The following RPH3A variants were observed in gnomAD, a reference collection of about 807,000 sequenced individuals.
RPH3A encodes rabphilin-3A.
Under a neutral mutation model 102.2 loss-of-function variants are expected in RPH3A, and 48 were observed. That is an observed-to-expected ratio of 0.47 (90% confidence interval 0.37 to 0.60). The LOEUF (loss-of-function observed/expected upper bound fraction) is 0.60. Among genes scored for constraint, RPH3A ranks in the 20% least tolerant of loss-of-function variants. RPH3A has a pLI of 0.00. For missense variants in RPH3A, 781 were observed against 910.1 expected, an observed-to-expected ratio of 0.86 and a Z score of 1.83; for synonymous variants, 310 against 324.3, an observed-to-expected ratio of 0.96 and a Z score of 0.47.
chr12:112,739,959 G>A (rs1428600622), intron 1 of RPH3A, among the ~76,000 whole-genome samples: 1 of 152,062 alleles, frequency 6.6e-6, no homozygotes, highest in Non-Finnish European at 1.5e-5. Context: ...CCCAGCCTTG[G>A]GTAGTAACCA....
chr12:112,634,153 C>G (rs1174228480), intron 1 of RPH3A, among the ~76,000 whole-genome samples: 1 of 151,010 alleles, frequency 6.6e-6, no homozygotes, highest in South Asian at 2.1e-4. Context: ...TCGAGACCAG[C>G]CTGGCCAATA....
intron 2 of RPH3A, among the ~76,000 whole-genome samples, chr12:112,802,724 G>A (rs2041378634): frequency 6.6e-6 from 1 of 151,964 alleles, no homozygotes; most frequent in Non-Finnish European, 1.5e-5. Flanking sequence ...TGTGTGGAGA[G>A]ACCCTGCTCC....
chr12:112,868,914 C>A (rs1783483360), intron 8 of RPH3A: 2 of 244,402 alleles, frequency 8.2e-6, no homozygotes, highest in South Asian at 3.0e-4. Context: ...CACACTGGAG[C>A]CTGGGAGAAT....
chr12:112,679,481 C>T (rs915880973), intron 1 of RPH3A, among the ~76,000 whole-genome samples: 7 of 150,712 alleles, frequency 4.6e-5, no homozygotes, highest in African/African-American at 1.5e-4. Flanking sequence ...TCTGGAGTGC[C>T]GTGGCGCAAT....
At chr12:112,605,537 G>T (rs1043755111) in intron 1 of RPH3A, among the ~76,000 whole-genome samples, 1 of 152,212 alleles carries the variant, frequency 6.6e-6, no homozygotes, top group Admixed American at 6.5e-5. Context: ...CATGCCCATA[G>T]TTCTAGCTGG....
intron 1 of RPH3A, among the ~76,000 whole-genome samples, chr12:112,754,520 T>G (rs1267825558): frequency 1.3e-5 from 2 of 152,130 alleles, no homozygotes; most frequent in East Asian, 3.9e-4. Flanking sequence ...GGGTAGAAAT[T>G]CGGTTCAAGG....
At chr12:112,794,609 A>C (rs1266235458) in intron 2 of RPH3A, among the ~76,000 whole-genome samples, 3 of 152,162 alleles carry the variant, frequency 2.0e-5, no homozygotes, top group Non-Finnish European at 4.4e-5. Flanking sequence ...CTCTGCTCTG[A>C]AAAGATGCAT....
intron 1 of RPH3A, among the ~76,000 whole-genome samples, chr12:112,771,371 A>G (rs543931731): frequency 3.3e-5 from 5 of 152,324 alleles, no homozygotes; most frequent in South Asian, 2.1e-4. Context: ...TCTTGTTCCA[A>G]TTCAGTTCAT....
chr12:112,799,896 C>T (rs1228267249), intron 2 of RPH3A, among the ~76,000 whole-genome samples: 2 of 152,142 alleles, frequency 1.3e-5, no homozygotes, highest in African/African-American at 2.4e-5. Flanking sequence ...GCACATCAAA[C>T]GAGTTCCCAG....
intron 1 of RPH3A, among the ~76,000 whole-genome samples, chr12:112,594,238 A>C (rs2039499203): frequency 6.6e-6 from 1 of 152,086 alleles, no homozygotes; most frequent in Non-Finnish European, 1.5e-5. Context: ...CAATTATTTC[A>C]TTCACAAACT....
At chr12:112,786,244 C>T (rs1053549185) in intron 1 of RPH3A, among the ~76,000 whole-genome samples, 4 of 152,166 alleles carry the variant, frequency 2.6e-5, no homozygotes, top group African/African-American at 2.4e-5. Context: ...AAGCTTGCTT[C>T]GCCAAGTCCT....
chr12:112,709,982 T>C (rs377237780), intron 1 of RPH3A, among the ~76,000 whole-genome samples: 242 of 152,222 alleles, frequency 1.6e-3, no homozygotes, highest in African/African-American at 5.7e-3. Context: ...TTGCCTTTTT[T>C]CTTTTTTTTT....
chr12:112,703,194 A>G (rs1411006921), intron 1 of RPH3A, among the ~76,000 whole-genome samples: 1 of 152,210 alleles, frequency 6.6e-6, no homozygotes, highest in Non-Finnish European at 1.5e-5. Flanking sequence ...AAGATGAGAG[A>G]CAGGTGGAGT....
At chr12:112,863,065 T>G (rs985063888) in intron 5 of RPH3A, among the ~76,000 whole-genome samples, 1 of 152,046 alleles carries the variant, frequency 6.6e-6, no homozygotes, top group Non-Finnish European at 1.5e-5. Context: ...GACTTCAAGC[T>G]GGTGGGAAGT....
chr12:112,639,308 T>C (rs1011029408), intron 1 of RPH3A, among the ~76,000 whole-genome samples: 1 of 152,198 alleles, frequency 6.6e-6, no homozygotes, highest in Non-Finnish European at 1.5e-5. Flanking sequence ...AAAGGAATCC[T>C]ATGCAGCCAT....
intron 1 of RPH3A, among the ~76,000 whole-genome samples, chr12:112,620,982 A>G (rs78946577): frequency 6.7e-6 from 1 of 149,710 alleles, no homozygotes; most frequent in African/African-American, 2.5e-5. Context: ...TTTAGTTCCC[A>G]CATATCTTCC....
rs2040351744 is a variant in RPH3A at position 112,696,309 on chromosome 12, G to T, written c.-139-95834G>T. ...CTGCTGTAAATGTGTGTGTATGTGT[G>T]TTTTCCACATAATGACTTCTTTTCC... On this transcript the variant is annotated intron_variant, in intron 1 of 21. Transcript: ENST00000543106. Among the ~76,000 whole-genome samples the T allele has an allele frequency of 2.0e-5, 3 of 152,228 alleles. No individual in the cohort carries two copies. The South Asian group carries it at 6.2e-4, about 32-fold the overall frequency.
At chr12:112,674,639 C>A (rs1344872015) in intron 1 of RPH3A, among the ~76,000 whole-genome samples, 1 of 152,176 alleles carries the variant, frequency 6.6e-6, no homozygotes, top group African/African-American at 2.4e-5. Context: ...ACCTCCTCCC[C>A]AGCATCCAGA....
intron 2 of RPH3A, among the ~76,000 whole-genome samples, chr12:112,825,476 C>T (rs534390616): frequency 2.4e-4 from 37 of 152,180 alleles, no homozygotes; most frequent in African/African-American, 8.4e-4. Context: ...CTAGACACGC[C>T]AATCTACTTT....
Sources: allele counts gnomAD v4.1 joint callset (sites outside exome capture counted in the v4.1 genomes callset), GRCh38; gene constraint gnomAD v4.1.1; transcripts MANE v1.5; gene names NCBI Gene and HGNC (gene_info 2026-07-23, HGNC 2026-07-21).